Variants in RAB38 observed in about 807,000 individuals in gnomAD.
RAB38 encodes the protein RAB38, member RAS oncogene family.
Under a neutral mutation model 18.4 loss-of-function variants are expected in RAB38, and 15 were observed. The observed-to-expected ratio is 0.82, with a 90% CI of 0.55 to 1.26. RAB38 has a LOEUF of 1.26. RAB38 is among the 50% of genes most tolerant of loss of function. RAB38 has a pLI of 0.00. For synonymous variants in RAB38, 101 were observed against 104.4 expected (o/e 0.97, Z 0.20); for missense variants, 294 against 267.4 (o/e 1.10, Z -0.69).
the RAB38 span, among the ~76,000 whole-genome samples, chr11:87,884,793 A>G: frequency 6.6e-6 from 1 of 151,862 alleles, no homozygotes; most frequent in East Asian, 2.0e-4. Context: ...TTATCATGAC[A>G]TTACCTGGAT....
chr11:88,132,829 G>T (rs1942782099), intron 2 of RAB38, among the ~76,000 whole-genome samples: 1 of 152,024 alleles, frequency 6.6e-6, no homozygotes, highest in Non-Finnish European at 1.5e-5. Flanking sequence ...TGAAACCACA[G>T]AATAATATTT....
the RAB38 span, among the ~76,000 whole-genome samples, chr11:88,093,788 T>A: frequency 6.6e-6 from 1 of 151,940 alleles, no homozygotes; most frequent in African/African-American, 2.4e-5. Flanking sequence ...ACAGATTCTA[T>A]TCTACCTACA....
intron 2 of RAB38, among the ~76,000 whole-genome samples, chr11:88,128,879 G>A (rs1232309512): frequency 2.0e-5 from 3 of 152,198 alleles, no homozygotes; most frequent in East Asian, 3.8e-4. Flanking sequence ...GACACAGTAT[G>A]TAGGAGTGGC....
At chr11:87,893,191 C>T in the RAB38 span, among the ~76,000 whole-genome samples, 1 of 151,082 alleles carries the variant, frequency 6.6e-6, no homozygotes, top group African/African-American at 2.4e-5. Flanking sequence ...GACCAGTTCT[C>T]TCATAAGGCA....
chr11:88,029,464 T>C, the RAB38 span, among the ~76,000 whole-genome samples: 2 of 152,154 alleles, frequency 1.3e-5, no homozygotes. Flanking sequence ...GACCCATCAG[T>C]GTGCGGTATT....
chr11:88,155,898 C>G (rs1943119054), intron 1 of RAB38, among the ~76,000 whole-genome samples: 1 of 152,162 alleles, frequency 6.6e-6, no homozygotes, highest in South Asian at 2.1e-4. Flanking sequence ...GCTTTCTCAA[C>G]AAAACTGAAC....
At chr11:87,894,181 T>C in the RAB38 span, among the ~76,000 whole-genome samples, 1 of 151,718 alleles carries the variant, frequency 6.6e-6, no homozygotes, top group African/African-American at 2.4e-5. Context: ...GATGCTATCG[T>C]AAATGGGATT....
At chr11:87,804,395 C>T in the RAB38 span, among the ~76,000 whole-genome samples, 1 of 152,290 alleles carries the variant, frequency 6.6e-6, no homozygotes, top group South Asian at 2.1e-4. Context: ...CCTGCATACA[C>T]TGACACCTGC....
chr11:87,951,593 G>T, the RAB38 span, among the ~76,000 whole-genome samples: 5 of 151,928 alleles, frequency 3.3e-5, no homozygotes, highest in African/African-American at 4.8e-5. Flanking sequence ...TGTCCTTTCT[G>T]TTTGTTAGTT....
intron 2 of RAB38, among the ~76,000 whole-genome samples, chr11:88,127,588 T>G (rs2134789561): frequency 6.6e-6 from 1 of 152,352 alleles, no homozygotes; most frequent in South Asian, 2.1e-4. Flanking sequence ...TACCCTCACC[T>G]AAGTAGTGCT....
the RAB38 span, among the ~76,000 whole-genome samples, chr11:87,976,238 C>A: frequency 1.4e-5 from 2 of 143,980 alleles, no homozygotes; most frequent in Non-Finnish European, 3.0e-5. Flanking sequence ...TATATATATA[C>A]ACCTTCATAT....
At chr11:88,140,307 C>G (rs1942891749) in intron 2 of RAB38, among the ~76,000 whole-genome samples, 1 of 152,160 alleles carries the variant, frequency 6.6e-6, no homozygotes, top group African/African-American at 2.4e-5. Context: ...CTCCTGGGAA[C>G]TACAGCAATA....
chr11:87,847,914 G>T, the RAB38 span, among the ~76,000 whole-genome samples: 1 of 152,008 alleles, frequency 6.6e-6, no homozygotes, highest in African/African-American at 2.4e-5. Flanking sequence ...AGAGCTAAGA[G>T]AATACAAACC....
the RAB38 span, among the ~76,000 whole-genome samples, chr11:87,906,825 T>C: frequency 6.6e-6 from 1 of 151,936 alleles, no homozygotes; most frequent in Non-Finnish European, 1.5e-5. Flanking sequence ...AGCTTGCTTT[T>C]ATTCACCCAT....
chr11:88,113,104 A>C (rs2134764653), downstream of RAB38: 1 of 152,448 alleles, frequency 6.6e-6, no homozygotes, highest in South Asian at 2.1e-4. Context: ...CAGTTTTAAT[A>C]GTGTCCAGCA....
the RAB38 span, among the ~76,000 whole-genome samples, chr11:87,936,279 A>G: frequency 3.5e-4 from 54 of 152,194 alleles, no homozygotes; most frequent in African/African-American, 1.3e-3. Context: ...TACATATTTT[A>G]TATGTAAGCC....
chr11:88,081,553 T>C, the RAB38 span, among the ~76,000 whole-genome samples: 1 of 151,892 alleles, frequency 6.6e-6, no homozygotes, highest in Non-Finnish European at 1.5e-5. Context: ...TGGTAATCCT[T>C]AGTTAGCATT....
the RAB38 span, among the ~76,000 whole-genome samples, chr11:88,064,849 G>C: frequency 6.6e-6 from 1 of 152,016 alleles, no homozygotes; most frequent in South Asian, 2.1e-4. Flanking sequence ...CCTACTGTTT[G>C]TCAAATATTA....
the RAB38 span, among the ~76,000 whole-genome samples, chr11:87,941,656 C>T: frequency 5.8e-4 from 88 of 152,162 alleles, no homozygotes; most frequent in African/African-American, 2.1e-3. Flanking sequence ...CTTCTGAAAT[C>T]AAGTATTTTC....
Sources: gnomAD v4.1 joint callset for allele counts (sites outside exome capture counted in the v4.1 genomes callset) on GRCh38, gnomAD v4.1.1 for gene constraint, MANE v1.5 for transcripts, NCBI Gene and HGNC (gene_info 2026-07-23, HGNC 2026-07-21) for gene names.